Variants in BRF1 observed in about 807,000 individuals in gnomAD.
The protein encoded by BRF1 is BRF1 general transcription factor IIIB subunit.
BRF1 carries 59 observed loss-of-function variants against 81.7 expected under a neutral mutation model. The ratio of observed to expected loss-of-function variants is 0.72; its 90% confidence interval spans 0.59 to 0.90. The LOEUF is 0.90. BRF1 is among the 40% of genes least tolerant of loss of function. The pLI is 0.00. For synonymous variants in BRF1, 491 were observed against 395.6 expected, an observed-to-expected ratio of 1.24 and a Z score of -2.86; for missense variants, 1,050 against 936.3, an observed-to-expected ratio of 1.12 and a Z score of -1.58.
chr14:105,310,969 T>C (rs975748604), intron 1 of BRF1, among the ~76,000 whole-genome samples: 20 of 152,236 alleles, frequency 1.3e-4, no homozygotes, highest in African/African-American at 4.8e-4. Flanking sequence ...TTTGTTTTCT[T>C]GAGACAGAGT....
At chr14:105,214,095 C>T (rs117780681) in intron 15 of BRF1, among the ~76,000 whole-genome samples, 26 of 152,352 alleles carry the variant, frequency 1.7e-4, no homozygotes, top group Non-Finnish European at 2.8e-4. Flanking sequence ...TGCTCCCTCT[C>T]GCAGCCGCGC....
intron 1 of BRF1, chr14:105,314,625 G>C (rs1308175111): frequency 6.9e-6 from 1 of 144,056 alleles, no homozygotes; most frequent in Non-Finnish European, 1.5e-5. Context: ...GAGGCGGCGA[G>C]CTGGCGCCCC....
chr14:105,300,552 G>C lies in BRF1; in HGVS notation c.78C>G (p.Thr26=). 3 of 1,506,376 alleles carry C rather than the reference G, an allele frequency of 2.0e-6. No homozygotes were observed. In the South Asian group the frequency reaches 3.8e-5, roughly 19 times the overall value. 93.3% of individuals were successfully genotyped at this position (1,506,376 alleles called of 1,614,324 possible). The change falls in exon 1 of 18, where the codon ACC becomes ACG. Residue 26 remains threonine (T), a synonymous_variant. Transcript: ENST00000547530. Reference sequence around the variant, plus strand: ...TGTCCTCCAGCACTGAGCCGCAGGCGGTGCACACCGCGTCCCCGCGCGCCG... The same window carrying C: ...TGTCCTCCAGCACTGAGCCGCAGGCCGTGCACACCGCGTCCCCGCGCGCCG... ...LDAARGDAVC[T]ACGSVLEDNI...
intron 1 of BRF1, among the ~76,000 whole-genome samples, chr14:105,313,896 T>C (rs996455417): frequency 6.6e-6 from 1 of 152,234 alleles, no homozygotes; most frequent in Non-Finnish European, 1.5e-5. Context: ...CCCCAGCGGC[T>C]CTAGCCATTG....
At chr14:105,272,219 A>G (rs993826642) in intron 3 of BRF1, among the ~76,000 whole-genome samples, 3 of 144,114 alleles carry the variant, frequency 2.1e-5, no homozygotes, top group Non-Finnish European at 3.0e-5. Context: ...CACGGCCTGC[A>G]GTCACGGTAT....
intron 2 of BRF1, among the ~76,000 whole-genome samples, chr14:105,285,557 C>T (rs1396248948): frequency 6.6e-6 from 1 of 152,056 alleles, no homozygotes; most frequent in Admixed American, 6.6e-5. Context: ...CGCAAAACTC[C>T]AAAAAATCAT....
intron 5 of BRF1, chr14:105,250,840 G>A: frequency 5.4e-6 from 4 of 735,912 alleles, no homozygotes; most frequent in East Asian, 2.7e-5. Context: ...AGAACCCAGG[G>A]ATTGGAGTCT....
Position 105,210,565 on chromosome 14 carries a change from C to CCACACA in BRF1, c.2019_2020insTGTGTG (p.Glu673_Asp674insCysVal). 6.2e-7 allele frequency: 1 copy of CCACACA among 1,611,728 alleles called. No individual in the cohort carries two copies. The highest frequency in any genetic ancestry group is 8.5e-7 in the Non-Finnish European group (1 of 1,179,918). On this transcript the variant is annotated inframe_insertion, in exon 18 of 18. Transcript: ENST00000547530. The surrounding 1 kb of genome is among the most constrained non-coding windows in gnomAD (Gnocchi z 4.7). ...GAGGCCACACTTCAGTAGCCGTCGTCCTCATCGCCATCACAGCCATAGTCT... is the reference window on the plus strand; with the variant it reads ...GAGGCCACACTTCAGTAGCCGTCGTCCACACACTCATCGCCATCACAGCCATAGTCT...
intron 6 of BRF1, among the ~76,000 whole-genome samples, 164 bp from the exon 7 acceptor site, chr14:105,229,077 C>A (rs182253664): frequency 1.3e-5 from 2 of 152,202 alleles, no homozygotes; most frequent in African/African-American, 4.8e-5. Flanking sequence ...TACTCCTGAA[C>A]GACATGACCC....
chr14:105,248,568 C>CGCGGGCGGGCGGG (rs2055302903), intron 5 of BRF1: 1 of 203,382 alleles, frequency 4.9e-6, no homozygotes, highest in Non-Finnish European at 6.2e-6. Flanking sequence ...CGGGTACGGG[C>CGCGGGCGGGCGGG]TCGGGCGGGC....
chr14:105,248,472 G>A (rs2055283667), intron 5 of BRF1: 3 of 984,982 alleles, frequency 3.0e-6, no homozygotes, highest in Non-Finnish European at 3.6e-6. Flanking sequence ...GCAGCTTCGA[G>A]GATGTCGGGC....
At chr14:105,246,872 C>T (rs1475211068) in intron 5 of BRF1, 48 of 985,368 alleles carry the variant, frequency 4.9e-5, no homozygotes, top group Non-Finnish European at 5.5e-5. Context: ...CTACCTCTGG[C>T]GGCTCAGCAA....
intron 2 of BRF1, among the ~76,000 whole-genome samples, chr14:105,282,704 G>A (rs587758350): frequency 1.2e-4 from 19 of 152,314 alleles, no homozygotes; most frequent in East Asian, 1.2e-3. Flanking sequence ...AGGCCAAGGC[G>A]GGTGGATCAC....
intron 2 of BRF1, among the ~76,000 whole-genome samples, chr14:105,286,094 G>C (rs909184986): frequency 2.0e-5 from 3 of 152,180 alleles, no homozygotes; most frequent in African/African-American, 7.2e-5. Flanking sequence ...TCCCCAAACA[G>C]CCCTGGCAGA....
At chr14:105,275,019 G>A (rs776413219) in intron 2 of BRF1, among the ~76,000 whole-genome samples, 1 of 152,218 alleles carries the variant, frequency 6.6e-6, no homozygotes, top group Non-Finnish European at 1.5e-5. Flanking sequence ...AAGACTACCT[G>A]AGGCGGCCTC....
chr14:105,272,847 G>A lies in BRF1; in HGVS notation c.313C>T (p.His105Tyr). 1 of 1,613,848 alleles carries A rather than the reference G, an allele frequency of 6.2e-7. No homozygotes were observed. Among genetic ancestry groups the A allele is most frequent in the Non-Finnish European group, 8.5e-7 (1 of 1,179,850 alleles). ...AAGTTGAAGGCGGTGTCCAGGCAGT[G>A]CTGGTTCAGCTGCAGCTGGTTCCCC... ...HLGNQLQLNQ[H>Y]CLDTAFNFFK... The change falls in exon 3 of 18, where the codon CAC (histidine) becomes TAC (tyrosine). Residue 105 changes from histidine (H) to tyrosine (Y), a missense_variant. Physicochemically the swap from His to Tyr is moderately conservative, Grantham distance 83 (BLOSUM62 2). Around this residue, in one of 2 missense-constraint regions of BRF1, gnomAD observed 1,043 missense variants for 915.4 expected, o/e 1.14. Coordinates refer to ENST00000547530, the MANE Select transcript of BRF1 (RefSeq NM_001519.4).
At chr14:105,263,757 C>T (rs959240123) in intron 3 of BRF1, among the ~76,000 whole-genome samples, 10 of 151,952 alleles carry the variant, frequency 6.6e-5, no homozygotes, top group Non-Finnish European at 1.2e-4. Context: ...AACCCTGTCT[C>T]TACTAAAAAT....
At chr14:105,296,617 A>C (rs1595490557) in intron 1 of BRF1, among the ~76,000 whole-genome samples, 1 of 147,052 alleles carries the variant, frequency 6.8e-6, no homozygotes, top group East Asian at 2.1e-4. Context: ...GGAGGCGGAG[A>C]TTGCAGTGAG....
intron 6 of BRF1, 64 bp from the exon 7 acceptor site, chr14:105,228,977 C>A (rs1276945066): frequency 9.7e-6 from 14 of 1,445,526 alleles, no homozygotes; most frequent in Non-Finnish European, 1.4e-5. Flanking sequence ...TCTGTGGCGG[C>A]CCAGGACAAC....
Sources: allele counts gnomAD v4.1 joint callset (sites outside exome capture counted in the v4.1 genomes callset), GRCh38; gene constraint gnomAD v4.1.1; regional missense constraint gnomAD v4.1.1; non-coding constraint Gnocchi (gnomAD v3.1); transcripts MANE v1.5; gene names NCBI Gene and HGNC (gene_info 2026-07-23, HGNC 2026-07-21).